Variants in SLC9A9 observed in about 807,000 individuals in gnomAD.
SLC9A9 encodes solute carrier family 9 member A9.
In SLC9A9, 62 loss-of-function variants were observed where a neutral mutation model predicts 77.8. That is an observed-to-expected ratio of 0.80 (90% CI 0.65 to 0.98). The LOEUF is 0.98. Among genes scored for constraint, SLC9A9 ranks in the 50% least tolerant of loss-of-function variants. The probability of loss-of-function intolerance (pLI) is 0.00; values close to 1 mark genes in which losing one functional copy is unlikely to be tolerated. For synonymous variants in SLC9A9, 320 were observed against 283.5 expected, an observed-to-expected ratio of 1.13 and a Z score of -1.29; for missense variants, 775 against 774.9, an observed-to-expected ratio of 1.00 and a Z score of 0.00.
intron 12 of SLC9A9, among the ~76,000 whole-genome samples, chr3:143,442,801 C>T (rs1295783574): frequency 6.6e-6 from 1 of 152,172 alleles, no homozygotes; most frequent in Non-Finnish European, 1.5e-5. Flanking sequence ...CTGGTGAGTT[C>T]AGTTAGTAGA....
rs960439642 is a variant in SLC9A9 at position 143,273,612 on chromosome 3, A to C, written c.1605-4632T>G. Among the ~76,000 whole-genome samples, 4 of 152,334 alleles carry C rather than the reference A, an allele frequency of 2.6e-5. No individual in the cohort carries two copies. In the South Asian group the frequency reaches 8.3e-4, roughly 32 times the overall value. On this transcript the variant is annotated intron_variant, in intron 14 of 15. Coordinates refer to ENST00000316549, the MANE Select transcript of SLC9A9 (RefSeq NM_173653.4). Reference sequence around the variant, plus strand: ...TATGGTATTTTGTTATGGCAGCCCAAGTAGACTAAGACATCACTTATCTTG... The same window carrying C: ...TATGGTATTTTGTTATGGCAGCCCACGTAGACTAAGACATCACTTATCTTG...
At chr3:143,814,061 A>G (rs772919889) in intron 2 of SLC9A9, among the ~76,000 whole-genome samples, 20 of 152,208 alleles carry the variant, frequency 1.3e-4, no homozygotes, top group Non-Finnish European at 2.6e-4. Context: ...AGCCAGGCAT[A>G]TGGCAGGGAG....
At position 143,642,776 on chromosome 3, in the gene SLC9A9, A is replaced by G. The variant is rs575525737; in HGVS notation, c.755+9479T>C. ...GTACTACATGCTGGGCCATTTGCCA[A>G]CTTTATATTCTGTTTCATCGCTGGG... On this transcript the variant is annotated intron_variant, in intron 6 of 15. Coordinates refer to ENST00000316549, the MANE Select transcript of SLC9A9 (RefSeq NM_173653.4). Among the ~76,000 whole-genome samples, 12 of 152,316 alleles carry G rather than the reference A, an allele frequency of 7.9e-5. No individual in the cohort carries two copies. The East Asian group carries it at 9.7e-4, about 12-fold the overall frequency.
intron 4 of SLC9A9, among the ~76,000 whole-genome samples, chr3:143,783,641 G>A (rs778131325): frequency 6.6e-6 from 1 of 152,110 alleles, no homozygotes; most frequent in African/African-American, 2.4e-5. Context: ...GGGGAAAAAT[G>A]AAATGTAACA....
At chr3:143,794,110 A>G (rs1204185758) in intron 4 of SLC9A9, among the ~76,000 whole-genome samples, 2 of 152,214 alleles carry the variant, frequency 1.3e-5, no homozygotes, top group Non-Finnish European at 2.9e-5. Context: ...TTACAGGCAC[A>G]AGTAAAGACA....
At chr3:143,650,420 G>A (rs1193681843) in intron 6 of SLC9A9, among the ~76,000 whole-genome samples, 8 of 152,156 alleles carry the variant, frequency 5.3e-5, no homozygotes, top group African/African-American at 1.7e-4. Context: ...AAATAAGCAA[G>A]TGAGAATAAG....
At chr3:143,298,342 T>C (rs2030368440) in intron 14 of SLC9A9, among the ~76,000 whole-genome samples, 1 of 152,210 alleles carries the variant, frequency 6.6e-6, no homozygotes, top group African/African-American at 2.4e-5. Flanking sequence ...TCTCTGCCTA[T>C]GATTGAGTGA....
intron 12 of SLC9A9, among the ~76,000 whole-genome samples, chr3:143,436,266 G>A (rs115606534): frequency 1.5e-3 from 228 of 152,308 alleles, no homozygotes; most frequent in African/African-American, 5.2e-3. Context: ...CAGGGTCACC[G>A]CATGACCTCC....
intron 12 of SLC9A9, among the ~76,000 whole-genome samples, chr3:143,465,171 T>C (rs1372346359): frequency 6.6e-6 from 1 of 152,228 alleles, no homozygotes; most frequent in Non-Finnish European, 1.5e-5. Context: ...CCCCATGCTG[T>C]GCCCCCTGGA....
At chr3:143,384,883 T>C (rs2033387817) in intron 12 of SLC9A9, among the ~76,000 whole-genome samples, 1 of 152,178 alleles carries the variant, frequency 6.6e-6, no homozygotes, top group African/African-American at 2.4e-5. Flanking sequence ...ATATAAAAAA[T>C]GTACCACAGC....
intron 9 of SLC9A9, among the ~76,000 whole-genome samples, chr3:143,527,786 C>T (rs367791385): frequency 2.6e-5 from 4 of 152,122 alleles, no homozygotes; most frequent in African/African-American, 9.7e-5. Flanking sequence ...GGGGCACAAC[C>T]AAAGGGCTAT....
At chr3:143,828,036 G>C (rs982052100) in intron 2 of SLC9A9, among the ~76,000 whole-genome samples, 1 of 152,166 alleles carries the variant, frequency 6.6e-6, no homozygotes, top group African/African-American at 2.4e-5. Flanking sequence ...CAGAGAGCCT[G>C]TCCAGTAGTG....
At chr3:143,328,054 A>C (rs1397934581) in intron 14 of SLC9A9, among the ~76,000 whole-genome samples, 3 of 152,184 alleles carry the variant, frequency 2.0e-5, no homozygotes, top group Non-Finnish European at 4.4e-5. Context: ...TTGTTTGATA[A>C]AGAATAGATC....
At chr3:143,277,393 T>C (rs1002166414) in intron 14 of SLC9A9, among the ~76,000 whole-genome samples, 3 of 152,222 alleles carry the variant, frequency 2.0e-5, no homozygotes, top group Admixed American at 1.3e-4. Context: ...GACCTAGTAA[T>C]CTGCATTTCA....
At chr3:143,691,893 T>C (rs1560033763) in intron 5 of SLC9A9, among the ~76,000 whole-genome samples, 1 of 152,150 alleles carries the variant, frequency 6.6e-6, no homozygotes, top group Non-Finnish European at 1.5e-5. Flanking sequence ...CTTGTTCAAC[T>C]ATAGGTTGTG....
At chr3:143,832,297 G>T in intron 1 of SLC9A9, 76 bp from the exon 2 acceptor site, 3 of 1,297,956 alleles carry the variant, frequency 2.3e-6, no homozygotes, top group Non-Finnish European at 3.3e-6. Flanking sequence ...TATATGATTT[G>T]GAACCTTCAG....
intron 5 of SLC9A9, among the ~76,000 whole-genome samples, chr3:143,673,861 A>T (rs1350397533): frequency 6.6e-6 from 1 of 152,084 alleles, no homozygotes; most frequent in Admixed American, 6.6e-5. Flanking sequence ...AATTTTATTA[A>T]TTTTTTCTTT....
At chr3:143,748,662 G>A (rs1044903035) in intron 4 of SLC9A9, among the ~76,000 whole-genome samples, 3 of 150,994 alleles carry the variant, frequency 2.0e-5, no homozygotes, top group African/African-American at 4.9e-5. Context: ...AACAGAGGAC[G>A]GACTGGCAAA....
At chr3:143,323,754 T>G (rs945361478) in intron 14 of SLC9A9, among the ~76,000 whole-genome samples, 1 of 152,162 alleles carries the variant, frequency 6.6e-6, no homozygotes, top group African/African-American at 2.4e-5. Context: ...TATATACATG[T>G]AACAAAATTT....
Sources: gnomAD v4.1 joint callset for allele counts (sites outside exome capture counted in the v4.1 genomes callset) on GRCh38, gnomAD v4.1.1 for gene constraint, MANE v1.5 for transcripts, NCBI Gene and HGNC (gene_info 2026-07-23, HGNC 2026-07-21) for gene names.